The following CC2D2A variants were observed in gnomAD, a reference collection of about 807,000 sequenced individuals.
The protein encoded by CC2D2A is coiled-coil and C2 domain-containing protein 2A.
In CC2D2A, 155 loss-of-function variants were observed where a neutral mutation model predicts 212.9. That is an observed-to-expected ratio of 0.73 (90% confidence interval 0.64 to 0.83). CC2D2A has a LOEUF of 0.83. CC2D2A is among the 40% of genes least tolerant of loss of function. The pLI is 0.00. For missense variants in CC2D2A, 1,856 were observed against 1,956.2 expected (o/e 0.95, Z 0.97); for synonymous variants, 667 against 686.5 (o/e 0.97, Z 0.44).
chr4:15,537,976 G>T lies in CC2D2A; in HGVS notation c.1842G>T (p.Glu614Asp). Residue 614 changes from glutamate to aspartate, a missense_variant, in exon 16 of 37, where the codon GAG (glutamate) becomes GAT (aspartate). Physicochemically the swap from Glu to Asp is conservative, Grantham distance 45. Transcript: ENST00000424120. ...GDEIAEPYPE[E>D]DLVKPSPPEP... ...AGATTGCAGAGCCGTATCCCGAGGA[G>T]GACCTTGTGAAGCCCAGCCCTCCAG... The T allele has an allele frequency of 6.2e-7, 1 of 1,610,696 alleles. No individual in the cohort carries two copies. The highest frequency in any genetic ancestry group is 8.5e-7 in the Non-Finnish European group (1 of 1,178,552).
chr4:15,585,719 T>C (rs1301121083), intron 30 of CC2D2A, among the ~76,000 whole-genome samples: 1 of 152,114 alleles, frequency 6.6e-6, no homozygotes, highest in Non-Finnish European at 1.5e-5. Flanking sequence ...ATACAATGTG[T>C]AAATGCATTG....
chr4:15,519,651 T>C, intron 11 of CC2D2A: 1 of 430,912 alleles, frequency 2.3e-6, no homozygotes, highest in Non-Finnish European at 4.6e-6. Context: ...ACAATCATGG[T>C]GGAAGACAAG....
intron 4 of CC2D2A, among the ~76,000 whole-genome samples, chr4:15,501,636 T>C (rs1376034597): frequency 1.9e-4 from 29 of 152,094 alleles, no homozygotes; most frequent in Non-Finnish European, 1.3e-4. Flanking sequence ...CCACCTCTTT[T>C]GTAATGGTTT....
chr4:15,589,518 C>T, intron 32 of CC2D2A, 27 bp from the exon 33 acceptor site: 1 of 1,601,742 alleles, frequency 6.2e-7, no homozygotes, highest in South Asian at 1.1e-5. Context: ...TAGTTGAAAA[C>T]TAGTTTTAAT....
intron 26 of CC2D2A, among the ~76,000 whole-genome samples, 176 bp from the exon 27 acceptor site, chr4:15,569,117 A>C (rs1166436428): frequency 6.6e-6 from 1 of 152,216 alleles, no homozygotes; most frequent in Non-Finnish European, 1.5e-5. Flanking sequence ...TGCTCTGTCC[A>C]TTTGAATATA....
chr4:15,549,491 T>G (rs1318926029), intron 17 of CC2D2A, among the ~76,000 whole-genome samples: 3 of 152,152 alleles, frequency 2.0e-5, no homozygotes, highest in Non-Finnish European at 2.9e-5. Flanking sequence ...AAGGCCAGGA[T>G]AGTAGCCAGT....
chr4:15,580,346 A>G (rs1048849941), intron 30 of CC2D2A, among the ~76,000 whole-genome samples, 175 bp downstream of exon 30: 4 of 152,224 alleles, frequency 2.6e-5, no homozygotes, highest in African/African-American at 9.6e-5. Context: ...TCCTTTAGAA[A>G]AGTCTGAAGG....
intron 26 of CC2D2A, 101 bp from the exon 27 acceptor site, chr4:15,569,192 T>C (rs778830276): frequency 1.5e-6 from 1 of 673,610 alleles, no homozygotes; most frequent in Admixed American, 2.4e-5. Flanking sequence ...AATTCTAACA[T>C]CTATGCTCAT....
intron 11 of CC2D2A, among the ~76,000 whole-genome samples, chr4:15,524,241 C>A (rs1434753714): frequency 6.6e-6 from 1 of 151,576 alleles, no homozygotes; most frequent in Non-Finnish European, 1.5e-5. Flanking sequence ...TCAAGCAATT[C>A]TCTGCCTCAA....
Position 15,533,309 on chromosome 4 carries a change from C to T in CC2D2A, c.1583C>T (p.Thr528Ile). The T allele has an allele frequency of 6.3e-7, 1 of 1,576,168 alleles. No individual in the cohort carries two copies. Among genetic ancestry groups the T allele is most frequent in the Non-Finnish European group, 8.6e-7 (1 of 1,161,992 alleles). The change falls in exon 14 of 37, where the codon ACT (threonine) becomes ATT (isoleucine). Residue 528 changes from threonine to isoleucine, a missense_variant. Transcript: ENST00000424120. ...CGAGAGTTCCAGAGATTTACAAATA[C>T]TCCCTTGAAACTTGTTTTGAGAAAG... ...SLREFQRFTN[T>I]PLKLVLRKEK... is the part of the protein sequence containing the mutation.
chr4:15,474,356 G>A (rs1714029528), intron 1 of CC2D2A, among the ~76,000 whole-genome samples: 5 of 152,138 alleles, frequency 3.3e-5, no homozygotes, highest in Non-Finnish European at 7.3e-5. Context: ...GACAAACATG[G>A]CATGTTCTCA....
At chr4:15,473,668 T>C (rs1165332854) in intron 1 of CC2D2A, among the ~76,000 whole-genome samples, 4 of 152,158 alleles carry the variant, frequency 2.6e-5, no homozygotes, top group Non-Finnish European at 5.9e-5. Context: ...AGCCCAGCAA[T>C]GTGGCAAGCT....
intron 4 of CC2D2A, among the ~76,000 whole-genome samples, chr4:15,497,892 A>G (rs1000903860): frequency 6.6e-6 from 1 of 152,222 alleles, no homozygotes; most frequent in East Asian, 1.9e-4. Flanking sequence ...GTTATTAATG[A>G]AAAACATAGG....
At chr4:15,492,387 T>C (rs1715352188) in intron 4 of CC2D2A, among the ~76,000 whole-genome samples, 1 of 150,934 alleles carries the variant, frequency 6.6e-6, no homozygotes. Flanking sequence ...TCACCCCTCA[T>C]TTTCAACCCA....
At chr4:15,530,861 G>A (rs529082678) in intron 13 of CC2D2A, among the ~76,000 whole-genome samples, 1 of 151,128 alleles carries the variant, frequency 6.6e-6, no homozygotes, top group South Asian at 2.1e-4. Flanking sequence ...AGTTAACCCG[G>A]GCCAGCACCA....
intron 31 of CC2D2A, among the ~76,000 whole-genome samples, chr4:15,586,686 T>C (rs1720868932): frequency 6.6e-6 from 1 of 152,196 alleles, no homozygotes. Context: ...ATTCTGGCTA[T>C]AAATGAAATA....
intron 11 of CC2D2A, among the ~76,000 whole-genome samples, chr4:15,523,046 G>A (rs1162866861): frequency 1.3e-5 from 2 of 151,226 alleles, no homozygotes; most frequent in African/African-American, 2.4e-5. Context: ...CCTAGGAGGC[G>A]AAGGTTGCAG....
At chr4:15,561,723 G>A in intron 23 of CC2D2A, 1 of 152,170 alleles carries the variant, frequency 6.6e-6, no homozygotes, top group East Asian at 1.9e-4. Context: ...AAGTCTCAGG[G>A]AGGACTTACC....
chr4:15,563,575 C>T, intron 24 of CC2D2A, 53 bp downstream of exon 24: 3 of 1,561,018 alleles, frequency 1.9e-6, no homozygotes, highest in Non-Finnish European at 2.6e-6. Flanking sequence ...CCAGCCAAGT[C>T]AATCGCTCCT....
Sources: gnomAD v4.1 joint callset for allele counts (sites outside exome capture counted in the v4.1 genomes callset) on GRCh38, gnomAD v4.1.1 for gene constraint, MANE v1.5 for transcripts, NCBI Gene and HGNC (gene_info 2026-07-23, HGNC 2026-07-21) for gene names.